Variants in ACACA observed in about 807,000 individuals in gnomAD.
ACACA encodes acetyl-CoA carboxylase alpha.
A neutral mutation model predicts 296.1 loss-of-function variants in ACACA; 103 were observed. The observed-to-expected ratio is 0.35, with a 90% CI of 0.30 to 0.41. The LOEUF (loss-of-function observed/expected upper bound fraction) is 0.41, where lower values mean the gene tolerates loss of function less well. ACACA is among the 10% of genes least tolerant of loss of function. ACACA has a pLI of 1.00. For synonymous variants in ACACA, 953 were observed against 1,038.6 expected (o/e 0.92, Z 1.58); for missense variants, 1,554 against 2,989.7 (o/e 0.52, Z 11.20).
At chr17:37,299,511 T>G in intron 3 of ACACA, 2 of 1,449,760 alleles carry the variant, frequency 1.4e-6, no homozygotes, top group Non-Finnish European at 1.8e-6. Context: ...AGTCTTTTTG[T>G]CTAATTGTTC....
chr17:37,250,412 G>A (rs2080927478), intron 16 of ACACA, among the ~76,000 whole-genome samples: 1 of 152,152 alleles, frequency 6.6e-6, no homozygotes, highest in Non-Finnish European at 1.5e-5. Flanking sequence ...GGCCAAAGCA[G>A]GCAGATCACG....
chr17:37,106,047 C>T (rs1453306758), intron 52 of ACACA, among the ~76,000 whole-genome samples: 3 of 151,800 alleles, frequency 2.0e-5, no homozygotes, highest in Non-Finnish European at 4.4e-5. Context: ...AGACTGGAAT[C>T]TTATTAAGAT....
intron 8 of ACACA, among the ~76,000 whole-genome samples, chr17:37,275,629 A>T (rs1047056539): frequency 2.0e-5 from 3 of 152,160 alleles, no homozygotes; most frequent in African/African-American, 7.2e-5. Flanking sequence ...CCCCCTGGGA[A>T]GCCCACCTCT....
chr17:37,372,413 GAA>G (rs71135711), intron 1 of ACACA, among the ~76,000 whole-genome samples: 7 of 89,684 alleles, frequency 7.8e-5, no homozygotes, highest in South Asian at 3.6e-4. Context: ...ACTCTGTCTC[GAA>G]AAAAAAAAAA....
chr17:37,379,500 G>T lies in ACACA; in HGVS notation c.38+26762C>A. 2 of 1,317,964 alleles carry T rather than the reference G, an allele frequency of 1.5e-6. 1 individual carries two copies. The highest frequency in any genetic ancestry group is 4.8e-5 in the East Asian group (2 of 41,958). 81.6% of individuals were successfully genotyped at this position (1,317,964 alleles called of 1,614,324 possible). ...AAATGAATTATCCACTTTTTGATGGGGTTGTTTGTTTTTTTTCTTGTAAAT... is the reference window on the plus strand; with the variant it reads ...AAATGAATTATCCACTTTTTGATGGTGTTGTTTGTTTTTTTTCTTGTAAAT... On this transcript the variant is annotated intron_variant, in intron 1 of 55. Transcript: ENST00000616317.
chr17:37,181,234 T>C lies in ACACA; in HGVS notation c.4899A>G (p.Thr1633=). ...KRFQAQSLGT[T]YIYDIPEMFR... ...ACATCTCTGGGATATCATATATGTA[T>C]GTTGTCCCTAAGGATTGTGCCTGGA... The change falls in exon 40 of 56, where the codon ACA becomes ACG. Residue 1633 remains threonine (T), a synonymous_variant. Transcript: ENST00000616317. 1 of 1,614,162 alleles carries C rather than the reference T, an allele frequency of 6.2e-7. No homozygotes were observed. The highest frequency in any genetic ancestry group is 8.5e-7 in the Non-Finnish European group (1 of 1,180,002).
At position 37,330,267 on chromosome 17, in the gene ACACA, T is replaced by C. The variant is rs752687853; in HGVS notation, c.244A>G (p.Lys82Glu). The change falls in exon 3 of 56, where the codon AAG (lysine) becomes GAG (glutamate). Residue 82 changes from lysine to glutamate, a missense_variant. Physicochemically the swap from Lys to Glu is moderately conservative, Grantham distance 56. This residue lies in a region of ACACA where 140 missense variants were observed against 147.7 expected (regional missense o/e 0.95). Coordinates refer to ENST00000616317, the MANE Select transcript of ACACA (RefSeq NM_198834.3). Reference protein sequence around the residue: ...NLVKLDLLEEKEGSLSPASVG... With the variant: ...NLVKLDLLEEEEGSLSPASVG... The stretch of plus-strand genomic sequence containing the variant: ...GAAGCAGGTGACAAGGAGCCCTCCT[T>C]CTCCTCCAGTAGGTCCAACTTCACC... 6.2e-7 allele frequency: 1 copy of C among 1,614,168 alleles called. No individual in the cohort carries two copies. The highest frequency in any genetic ancestry group is 8.5e-7 in the Non-Finnish European group (1 of 1,180,036).
intron 41 of ACACA, among the ~76,000 whole-genome samples, chr17:37,177,416 G>A (rs1172481659): frequency 1.3e-5 from 2 of 152,054 alleles, no homozygotes; most frequent in Non-Finnish European, 2.9e-5. Flanking sequence ...CAAGAACAGA[G>A]CTCTGTCCCT....
At position 37,098,012 on chromosome 17, in the gene ACACA, ACT is replaced by A. The variant is rs774156982; in HGVS notation, c.6566-30_6566-29del. On this transcript the variant is annotated intron_variant, in intron 52 of 55. Coordinates refer to ENST00000616317, the MANE Select transcript of ACACA (RefSeq NM_198834.3). ...GCAATTAGATAAACATGCCCGTCAC[ACT>A]CTGTAATGACCAGGAATCTCTCTGC... is the stretch of plus-strand genomic sequence containing the variant. 3.1e-6 allele frequency: 5 copies of A among 1,613,900 alleles called. No homozygotes were observed. The African/African-American group carries it at 6.7e-5, about 22-fold the overall frequency.
intron 54 of ACACA, among the ~76,000 whole-genome samples, chr17:37,094,574 C>CG (rs201927589): frequency 1.3e-4 from 4 of 30,454 alleles, no homozygotes; most frequent in African/African-American, 9.2e-4. Context: ...GAAGAACCAC[C>CG]CCCCCCCCCC....
At chr17:37,183,672 C>CA (rs959828851) in intron 39 of ACACA, among the ~76,000 whole-genome samples, 19 of 150,532 alleles carry the variant, frequency 1.3e-4, no homozygotes, top group East Asian at 3.9e-4. Context: ...ACTAAAAATA[C>CA]AAAAAAAAGG....
intron 50 of ACACA, among the ~76,000 whole-genome samples, chr17:37,121,116 C>T (rs2074506898): frequency 6.6e-6 from 1 of 152,136 alleles, no homozygotes; most frequent in Admixed American, 6.5e-5. Context: ...GCGAGATCCA[C>T]AACAGTAGGT....
chr17:37,295,847 C>T (rs1418107746), intron 3 of ACACA, among the ~76,000 whole-genome samples: 4 of 152,060 alleles, frequency 2.6e-5, no homozygotes, highest in Non-Finnish European at 5.9e-5. Context: ...ATTGCTTGAA[C>T]CCGGGAGGCA....
At chr17:37,240,452 G>A in intron 24 of ACACA, 24 bp downstream of exon 24, 1 of 1,607,408 alleles carries the variant, frequency 6.2e-7, no homozygotes, top group South Asian at 1.1e-5. Flanking sequence ...TTCTTAGCTA[G>A]AGAGTCCTCA....
chr17:37,144,229 T>C (rs1007446554), intron 45 of ACACA: 3 of 707,218 alleles, frequency 4.2e-6, no homozygotes, highest in Admixed American at 1.8e-5. Flanking sequence ...CCCAACAAGT[T>C]TGCACAAAAA....
chr17:37,146,584 C>T (rs1381703064), intron 45 of ACACA, among the ~76,000 whole-genome samples: 2 of 141,114 alleles, frequency 1.4e-5, no homozygotes, highest in African/African-American at 5.2e-5. Flanking sequence ...TATTTCTATG[C>T]AAATAACAAC....
Position 37,210,457 on chromosome 17 carries a change from C to T in ACACA, c.3707+10G>A. 1 of 1,607,990 alleles carries T rather than the reference C, an allele frequency of 6.2e-7. No individual in the cohort carries two copies. Among genetic ancestry groups the T allele is most frequent in the Non-Finnish European group, 8.5e-7 (1 of 1,176,436 alleles). On this transcript the variant is annotated intron_variant, in intron 30 of 55. Transcript: ENST00000616317. ...GCTTTTAATTGGAAAAGAAACTAAA[C>T]ATACGGTACCTGTTTAGCGTAGGGA...
At chr17:37,144,512 C>T (rs1297168975) in intron 45 of ACACA, 2 of 232,098 alleles carry the variant, frequency 8.6e-6, no homozygotes, top group East Asian at 1.1e-4. Flanking sequence ...ATGGAGACTA[C>T]ACAGTGCAGG....
intron 54 of ACACA, among the ~76,000 whole-genome samples, chr17:37,094,369 G>A (rs2072839153): frequency 1.3e-5 from 2 of 152,166 alleles, no homozygotes; most frequent in Admixed American, 6.5e-5. Flanking sequence ...TCAGGATTAA[G>A]ATTAAGAAAA....
Sources: allele counts gnomAD v4.1 joint callset (sites outside exome capture counted in the v4.1 genomes callset), GRCh38; gene constraint gnomAD v4.1.1; regional missense constraint gnomAD v4.1.1; transcripts MANE v1.5; gene names NCBI Gene and HGNC (gene_info 2026-07-23, HGNC 2026-07-21).